Variants in TPX2 observed in about 807,000 individuals in gnomAD.
TPX2 encodes targeting protein for Xklp2.
In TPX2, 21 loss-of-function variants were observed where a neutral mutation model predicts 93.6. The observed-to-expected ratio is 0.22, with a 90% CI of 0.16 to 0.32. The LOEUF (loss-of-function observed/expected upper bound fraction) is 0.32, where lower values mean the gene tolerates loss of function less well. TPX2 is among the 10% of genes least tolerant of loss of function. The pLI, the probability that TPX2 is intolerant of heterozygous loss-of-function variation, is 1.00. For synonymous variants in TPX2, 281 were observed against 298.3 expected (o/e 0.94, Z 0.60); for missense variants, 776 against 871.1 (o/e 0.89, Z 1.37).
chr20:31,782,513 G>A (rs2062039364), intron 11 of TPX2, 123 bp downstream of exon 11: 2 of 1,232,232 alleles, frequency 1.6e-6, no homozygotes, highest in African/African-American at 1.5e-5. Context: ...TGAGTAGTAG[G>A]CTCTGCAGGC....
chr20:31,767,650 C>T (rs960462611), intron 5 of TPX2, among the ~76,000 whole-genome samples: 4 of 149,976 alleles, frequency 2.7e-5, no homozygotes, highest in African/African-American at 7.3e-5. Context: ...CTCCTGGGCT[C>T]AAGCAGTCTT....
chr20:31,754,118 G>A (rs2061837130), intron 2 of TPX2, among the ~76,000 whole-genome samples: 1 of 151,914 alleles, frequency 6.6e-6, no homozygotes, highest in African/African-American at 2.4e-5. Context: ...TTTATTTTTT[G>A]AGACAGAGTC....
At chr20:31,798,307 G>C in intron 16 of TPX2, 58 bp from the exon 17 acceptor site, 1 of 1,605,926 alleles carries the variant, frequency 6.2e-7, no homozygotes, top group East Asian at 2.2e-5. Flanking sequence ...ATTCCAGGGG[G>C]CGTAGGTTTA....
intron 10 of TPX2, among the ~76,000 whole-genome samples, chr20:31,779,243 C>T (rs767584949): frequency 3.3e-5 from 5 of 152,210 alleles, no homozygotes; most frequent in African/African-American, 1.2e-4. Context: ...GATGTCATTA[C>T]ACATCCTTAA....
At chr20:31,780,225 G>T (rs568693602) in intron 10 of TPX2, among the ~76,000 whole-genome samples, 32 of 152,020 alleles carry the variant, frequency 2.1e-4, no homozygotes, top group African/African-American at 7.7e-4. Flanking sequence ...CTACTTTTTG[G>T]ATTTTAAGTA....
intron 2 of TPX2, among the ~76,000 whole-genome samples, chr20:31,746,600 G>A (rs888455010): frequency 4.6e-5 from 7 of 152,210 alleles, no homozygotes; most frequent in Non-Finnish European, 8.8e-5. Flanking sequence ...TGACTGGATA[G>A]CAAGGTGTTT....
intron 17 of TPX2, among the ~76,000 whole-genome samples, chr20:31,799,603 A>T (rs1600398136): frequency 6.6e-6 from 1 of 152,340 alleles, no homozygotes; most frequent in Non-Finnish European, 1.5e-5. Context: ...TTATCTGTCA[A>T]TTAAAAAGAA....
chr20:31,799,867 C>T (rs2062159196), intron 17 of TPX2, among the ~76,000 whole-genome samples: 1 of 138,680 alleles, frequency 7.2e-6, no homozygotes. Context: ...CACTGCAGTC[C>T]AGCCTGGGGG....
At chr20:31,775,720 T>C in intron 7 of TPX2, 147 bp from the exon 8 acceptor site, 1 of 720,604 alleles carries the variant, frequency 1.4e-6, no homozygotes. Flanking sequence ...TCTAATTAAG[T>C]TAGCATCTAT....
chr20:31,763,272 C>T lies in TPX2; in HGVS notation c.229+3093C>T, dbSNP rs548112585. Among the ~76,000 whole-genome samples, 13 of 152,172 alleles carry T rather than the reference C, an allele frequency of 8.5e-5. No homozygotes were observed. The East Asian group carries it at 1.9e-3, about 23-fold the overall frequency. ...TTGGCTTACTGCAACCTCCGCCCCC[C>T]GGGTTCAAGTGATTCTCCTGCCTCA... is the stretch of plus-strand genomic sequence containing the variant. On this transcript the variant is annotated intron_variant, in intron 4 of 17. Transcript: ENST00000300403.
At chr20:31,748,657 C>G (rs1471695325) in intron 2 of TPX2, among the ~76,000 whole-genome samples, 1 of 152,108 alleles carries the variant, frequency 6.6e-6, no homozygotes. Flanking sequence ...TAGAGAGACC[C>G]CAGATTTTGG....
chr20:31,741,466 C>A (rs1028752743), intron 1 of TPX2, among the ~76,000 whole-genome samples: 7 of 147,722 alleles, frequency 4.7e-5, no homozygotes, highest in African/African-American at 1.5e-4. Flanking sequence ...GATCTGCCAC[C>A]ACACCCGGCT....
intron 2 of TPX2, among the ~76,000 whole-genome samples, chr20:31,749,103 G>T (rs1246799696): frequency 2.0e-5 from 3 of 151,844 alleles, no homozygotes; most frequent in Non-Finnish European, 4.4e-5. Flanking sequence ...CCACCACCAC[G>T]CCTGGCTAAT....
intron 17 of TPX2, among the ~76,000 whole-genome samples, chr20:31,798,852 T>C (rs903350917): frequency 1.6e-4 from 24 of 152,248 alleles, no homozygotes; most frequent in Admixed American, 1.3e-3. Context: ...AAAATACATT[T>C]ATCCCTTTGA....
intron 6 of TPX2, among the ~76,000 whole-genome samples, chr20:31,771,240 A>G (rs2061963000): frequency 6.6e-6 from 1 of 152,154 alleles, no homozygotes; most frequent in African/African-American, 2.4e-5. Context: ...TTAATGAGAA[A>G]GAGACAGAAT....
At chr20:31,773,380 A>T (rs1288091362) in intron 7 of TPX2, among the ~76,000 whole-genome samples, 1 of 146,456 alleles carries the variant, frequency 6.8e-6, no homozygotes, top group Non-Finnish European at 1.6e-5. Flanking sequence ...TGAATTCCTG[A>T]CCTCAAGGGA....
intron 7 of TPX2, among the ~76,000 whole-genome samples, chr20:31,774,462 GGT>G (rs1023440198): frequency 6.6e-6 from 1 of 151,534 alleles, no homozygotes; most frequent in Non-Finnish European, 1.5e-5. Flanking sequence ...AAGTGTCCTT[GGT>G]GATATTTTCC....
At chr20:31,761,277 C>G (rs1211863773) in intron 4 of TPX2, among the ~76,000 whole-genome samples, 1 of 150,422 alleles carries the variant, frequency 6.6e-6, no homozygotes, top group Non-Finnish European at 1.5e-5. Flanking sequence ...TCTCGGCTCA[C>G]TGTAACCTCC....
At chr20:31,763,920 G>A (rs996411143) in intron 4 of TPX2, among the ~76,000 whole-genome samples, 1 of 151,544 alleles carries the variant, frequency 6.6e-6, no homozygotes, top group African/African-American at 2.4e-5. Context: ...TCGGGAGGCT[G>A]AGGTAGGAGA....
Sources: gnomAD v4.1 joint callset for allele counts (sites outside exome capture counted in the v4.1 genomes callset) on GRCh38, gnomAD v4.1.1 for gene constraint, MANE v1.5 for transcripts, NCBI Gene and HGNC (gene_info 2026-07-23, HGNC 2026-07-21) for gene names.